Variants in DIAPH3 observed in about 807,000 individuals in gnomAD.
The protein encoded by DIAPH3 is protein diaphanous homolog 3.
In DIAPH3, 117 loss-of-function variants were observed where a neutral mutation model predicts 144.3. The observed-to-expected ratio is 0.81, with a 90% CI of 0.70 to 0.95. The LOEUF is 0.95. Among genes scored for constraint, DIAPH3 ranks in the 40% least tolerant of loss-of-function variants. The pLI is 0.00. For missense variants in DIAPH3, 1,421 were observed against 1,412.7 expected, an observed-to-expected ratio of 1.01 and a Z score of -0.09; for synonymous variants, 519 against 488.9, an observed-to-expected ratio of 1.06 and a Z score of -0.81.
At chr13:59,860,095 A>G (rs2139920344) in intron 22 of DIAPH3, among the ~76,000 whole-genome samples, 1 of 152,306 alleles carries the variant, frequency 6.6e-6, no homozygotes, top group East Asian at 1.9e-4. Flanking sequence ...ACAAAGTTTC[A>G]AAGAACATCT....
chr13:59,715,907 A>T (rs1421976708), intron 27 of DIAPH3, among the ~76,000 whole-genome samples: 1 of 152,178 alleles, frequency 6.6e-6, no homozygotes, highest in African/African-American at 2.4e-5. Context: ...GAAGATAATG[A>T]TACTACTGAG....
At chr13:60,101,193 G>A (rs1017796369) in intron 3 of DIAPH3, among the ~76,000 whole-genome samples, 1 of 152,184 alleles carries the variant, frequency 6.6e-6, no homozygotes, top group Non-Finnish European at 1.5e-5. Context: ...ATTGAGGAGA[G>A]AGCTGAGGTT....
intron 17 of DIAPH3, among the ~76,000 whole-genome samples, chr13:59,942,210 T>C (rs1260967569): frequency 2.0e-5 from 3 of 152,202 alleles, no homozygotes; most frequent in Admixed American, 6.5e-5. Flanking sequence ...TAATTAACTA[T>C]CAAATATATT....
intron 9 of DIAPH3, among the ~76,000 whole-genome samples, chr13:59,993,105 T>C (rs1199159530): frequency 2.0e-5 from 3 of 151,938 alleles, no homozygotes; most frequent in African/African-American, 7.2e-5. Flanking sequence ...AGAAGTTAAT[T>C]TATCAGGCAA....
At chr13:59,670,104 C>T (rs1241677357) in intron 27 of DIAPH3, among the ~76,000 whole-genome samples, 1 of 152,128 alleles carries the variant, frequency 6.6e-6, no homozygotes, top group South Asian at 2.1e-4. Context: ...CAGGCAAAAG[C>T]ATTTCTATCC....
chr13:60,010,552 T>C lies in DIAPH3; in HGVS notation c.889A>G (p.Ile297Val). 3.7e-6 allele frequency: 6 copies of C among 1,605,890 alleles called. No homozygotes were observed. The highest frequency in any genetic ancestry group is 5.1e-6 in the Non-Finnish European group (6 of 1,174,708). ...DVVKLLSAVC[I>V]VGEESILEEV... The stretch of plus-strand genomic sequence containing the variant: ...ACTTACATGCTTTCTTCCCCTACAA[T>C]GCATACCGCAGAGAGAAGTTTAACC... Residue 297 changes from isoleucine (I) to valine (V), a missense_variant, in exon 8 of 28, where the codon ATT (isoleucine) becomes GTT (valine). Coordinates refer to ENST00000400324, the MANE Select transcript of DIAPH3 (RefSeq NM_001042517.2).
chr13:59,934,355 G>A (rs1158820403), intron 17 of DIAPH3, among the ~76,000 whole-genome samples: 1 of 151,972 alleles, frequency 6.6e-6, no homozygotes, highest in Non-Finnish European at 1.5e-5. Flanking sequence ...TAAATAGACT[G>A]TAATTACACT....
At chr13:59,893,931 G>A (rs1469351717) in intron 20 of DIAPH3, among the ~76,000 whole-genome samples, 1 of 152,064 alleles carries the variant, frequency 6.6e-6, no homozygotes, top group African/African-American at 2.4e-5. Context: ...AGCTTGCTGT[G>A]TTTCTTAGTA....
intron 22 of DIAPH3, among the ~76,000 whole-genome samples, chr13:59,850,462 T>C (rs1336561382): frequency 3.3e-5 from 5 of 151,788 alleles, no homozygotes; most frequent in Admixed American, 2.0e-4. Flanking sequence ...GGGTCTGTCA[T>C]AGACAGCTCT....
At chr13:59,894,936 G>T (rs1265126906) in intron 20 of DIAPH3, among the ~76,000 whole-genome samples, 1 of 151,984 alleles carries the variant, frequency 6.6e-6, no homozygotes, top group Non-Finnish European at 1.5e-5. Context: ...CTTCAGTAAT[G>T]CCACATAGCT....
intron 17 of DIAPH3, among the ~76,000 whole-genome samples, chr13:59,937,199 T>C (rs1400821397): frequency 6.6e-6 from 1 of 151,970 alleles, no homozygotes; most frequent in Non-Finnish European, 1.5e-5. Context: ...ATTTTTCCAC[T>C]ATTTTTACGT....
intron 27 of DIAPH3, among the ~76,000 whole-genome samples, chr13:59,690,313 C>A (rs2033442136): frequency 6.6e-6 from 1 of 152,028 alleles, no homozygotes; most frequent in Non-Finnish European, 1.5e-5. Context: ...ACCAAGTTGG[C>A]TGGACAGATG....
At position 60,131,422 on chromosome 13, in the gene DIAPH3, C is replaced by T. The variant is rs1383393403; in HGVS notation, c.213+1535G>A. 2.3e-4 allele frequency among the ~76,000 whole-genome samples: 28 copies of T among 119,428 alleles called. No individual in the cohort carries two copies. The South Asian group carries it at 3.7e-3, about 16-fold the overall frequency. The allele number at this position is 119,428 out of a possible 152,430, so 78.3% of individuals were successfully genotyped here. On this transcript the variant is annotated intron_variant, in intron 2 of 27. Transcript: ENST00000400324. ...CTGCACTTCAGCCTGGACAACAGAGCGAGACCCTGTCTCAAAAAAAAAAAA... is the reference window on the plus strand; with the variant it reads ...CTGCACTTCAGCCTGGACAACAGAGTGAGACCCTGTCTCAAAAAAAAAAAA...
intron 17 of DIAPH3, among the ~76,000 whole-genome samples, chr13:59,955,284 G>A (rs1052982815): frequency 2.6e-5 from 4 of 151,854 alleles, no homozygotes; most frequent in African/African-American, 9.7e-5. Flanking sequence ...GGAGGTAATC[G>A]AATCATGGGG....
intron 1 of DIAPH3, among the ~76,000 whole-genome samples, chr13:60,141,916 A>G (rs532297265): frequency 2.0e-5 from 3 of 152,352 alleles, no homozygotes; most frequent in South Asian, 4.1e-4. Flanking sequence ...GTGTTTGAGC[A>G]GAGTTGCCAG....
chr13:60,082,606 A>C (rs1166697289), intron 4 of DIAPH3, among the ~76,000 whole-genome samples: 1 of 152,034 alleles, frequency 6.6e-6, no homozygotes, highest in Non-Finnish European at 1.5e-5. Context: ...AAGCAAAAAA[A>C]CGTGTGAGCC....
intron 1 of DIAPH3, among the ~76,000 whole-genome samples, chr13:60,133,386 A>C (rs190607220): frequency 1.3e-5 from 2 of 152,134 alleles, no homozygotes; most frequent in African/African-American, 2.4e-5. Flanking sequence ...AAAGATTTTA[A>C]TGTGATGATT....
At chr13:60,157,832 G>A (rs950873447) in intron 1 of DIAPH3, among the ~76,000 whole-genome samples, 4 of 152,184 alleles carry the variant, frequency 2.6e-5, no homozygotes, top group East Asian at 1.9e-4. Context: ...TCTTAGTTCA[G>A]ATATGTTAGC....
chr13:59,924,464 C>A (rs2047662784), intron 18 of DIAPH3, among the ~76,000 whole-genome samples: 1 of 149,280 alleles, frequency 6.7e-6, no homozygotes, highest in African/African-American at 2.5e-5. Context: ...GATGTCATTA[C>A]CTAAATTCCT....
Sources: gnomAD v4.1 joint callset for allele counts (sites outside exome capture counted in the v4.1 genomes callset) on GRCh38, gnomAD v4.1.1 for gene constraint, MANE v1.5 for transcripts, NCBI Gene and HGNC (gene_info 2026-07-23, HGNC 2026-07-21) for gene names.